EYA1: variants seen among roughly 807,000 people sequenced by gnomAD.
EYA1 encodes protein phosphatase EYA1.
In EYA1, 16 loss-of-function variants were observed where a neutral mutation model predicts 82.0. That is an observed-to-expected ratio of 0.20 (90% confidence interval 0.13 to 0.30). The LOEUF (loss-of-function observed/expected upper bound fraction) is 0.30, where lower values mean the gene tolerates loss of function less well. EYA1 is among the 10% of genes least tolerant of loss of function. The pLI is 1.00. For synonymous variants in EYA1, 261 were observed against 264.4 expected (o/e 0.99, Z 0.12); for missense variants, 633 against 730.7 (o/e 0.87, Z 1.54).
chr8:71,435,228 C>T (rs1420561231), intron 2 of EYA1, among the ~76,000 whole-genome samples: 1 of 152,046 alleles, frequency 6.6e-6, no homozygotes, highest in Non-Finnish European at 1.5e-5. Context: ...ATGACAGCTG[C>T]CCCGTGGAAT....
At chr8:71,405,418 T>A (rs1031266751) in intron 2 of EYA1, among the ~76,000 whole-genome samples, 3 of 152,236 alleles carry the variant, frequency 2.0e-5, no homozygotes, top group African/African-American at 7.2e-5. Flanking sequence ...CCTTTCTCCT[T>A]TGAGCCACCT....
At chr8:71,335,204 A>C (rs1033409023) in intron 3 of EYA1, among the ~76,000 whole-genome samples, 6 of 152,200 alleles carry the variant, frequency 3.9e-5, no homozygotes, top group Admixed American at 2.0e-4. Flanking sequence ...CCTAAAACAA[A>C]GGCTCCCATG....
At chr8:71,256,544 G>A (rs2128924656) in intron 11 of EYA1, among the ~76,000 whole-genome samples, 1 of 152,216 alleles carries the variant, frequency 6.6e-6, no homozygotes, top group South Asian at 2.1e-4. Flanking sequence ...ATTGGGGGGA[G>A]GGGAGAATGG....
rs565076424 is a variant in EYA1 at position 71,478,992 on chromosome 8, T to C, written c.33+56752A>G. Among the ~76,000 whole-genome samples, 12 of 152,310 alleles carry C rather than the reference T, an allele frequency of 7.9e-5. No individual in the cohort carries two copies. The South Asian group carries it at 1.7e-3, about 21-fold the overall frequency. The stretch of plus-strand genomic sequence containing the variant: ...TGGGTATCAAGAAGGCAAAATGACA[T>C]GCTCCTCTGCTTACAACCCTGCAAT... On this transcript the variant is annotated intron_variant, in intron 2 of 18. Transcript: ENST00000643681.
intron 11 of EYA1, among the ~76,000 whole-genome samples, chr8:71,260,314 T>C (rs1814941444): frequency 6.6e-6 from 1 of 152,202 alleles, no homozygotes; most frequent in Non-Finnish European, 1.5e-5. Context: ...GCATTCTGAC[T>C]TGGTCTCTAC....
chr8:71,454,618 C>T (rs1295648558), intron 2 of EYA1, among the ~76,000 whole-genome samples: 2 of 152,186 alleles, frequency 1.3e-5, no homozygotes, highest in African/African-American at 2.4e-5. Context: ...AAGAAACTCA[C>T]TAAAAACCGC....
intron 9 of EYA1, among the ~76,000 whole-genome samples, chr8:71,275,026 G>C (rs1816993108): frequency 6.6e-6 from 1 of 151,260 alleles, no homozygotes; most frequent in African/African-American, 2.5e-5. Flanking sequence ...TCTGACCTGA[G>C]TCTACAGAAA....
chr8:71,285,632 G>C (rs1818287229), intron 9 of EYA1, among the ~76,000 whole-genome samples: 1 of 152,166 alleles, frequency 6.6e-6, no homozygotes, highest in African/African-American at 2.4e-5. Context: ...ATGTGCTCTT[G>C]GGAGACTACA....
chr8:71,407,836 G>T (rs1468578050), intron 2 of EYA1, among the ~76,000 whole-genome samples: 3 of 149,134 alleles, frequency 2.0e-5, no homozygotes, highest in Non-Finnish European at 4.5e-5. Context: ...AATCTAGCAA[G>T]GCAGGCCAAC....
chr8:71,512,212 G>A (rs1812651859), intron 2 of EYA1, among the ~76,000 whole-genome samples: 1 of 152,092 alleles, frequency 6.6e-6, no homozygotes, highest in South Asian at 2.1e-4. Context: ...TTTTCAGAGT[G>A]GCTTCCTGAA....
intron 1 of EYA1, among the ~76,000 whole-genome samples, chr8:71,537,502 C>G (rs1398192817): frequency 6.6e-6 from 1 of 152,104 alleles, no homozygotes; most frequent in Non-Finnish European, 1.5e-5. Flanking sequence ...TTCCAGGCAC[C>G]AAGGTGGGAT....
At chr8:71,271,419 T>G (rs1364114063) in intron 10 of EYA1, among the ~76,000 whole-genome samples, 3 of 152,216 alleles carry the variant, frequency 2.0e-5, no homozygotes, top group Non-Finnish European at 2.9e-5. Flanking sequence ...AAGTGGATTT[T>G]ACCAAGTATT....
intron 12 of EYA1, among the ~76,000 whole-genome samples, chr8:71,243,398 G>A (rs1435677137): frequency 6.6e-6 from 1 of 151,950 alleles, no homozygotes; most frequent in Non-Finnish European, 1.5e-5. Context: ...GTCACTCAAT[G>A]GGAATATTTC....
intron 12 of EYA1, among the ~76,000 whole-genome samples, chr8:71,233,976 G>A (rs1300610008): frequency 6.6e-6 from 1 of 152,152 alleles, no homozygotes; most frequent in Non-Finnish European, 1.5e-5. Flanking sequence ...TTCCCAGTGG[G>A]GGGTAGACCG....
chr8:71,541,970 C>G (rs1246836945), intron 1 of EYA1, among the ~76,000 whole-genome samples: 1 of 152,172 alleles, frequency 6.6e-6, no homozygotes. Context: ...ACTGGCTCCA[C>G]TCAGTTATTA....
intron 1 of EYA1, among the ~76,000 whole-genome samples, chr8:71,544,331 T>A (rs556040553): frequency 1.3e-5 from 2 of 152,166 alleles, no homozygotes; most frequent in Non-Finnish European, 2.9e-5. Context: ...AGGGCAGGAA[T>A]CATCCGAAAC....
chr8:71,270,482 T>C (rs1314893257), intron 10 of EYA1, among the ~76,000 whole-genome samples: 1 of 152,210 alleles, frequency 6.6e-6, no homozygotes, highest in African/African-American at 2.4e-5. Flanking sequence ...GGAATTCATT[T>C]CAAAAAGGTC....
intron 2 of EYA1, among the ~76,000 whole-genome samples, chr8:71,498,487 A>G (rs530536977): frequency 6.6e-6 from 1 of 152,194 alleles, no homozygotes; most frequent in South Asian, 2.1e-4. Context: ...TCTAGATGTT[A>G]ATATTTTCAC....
At chr8:71,303,049 C>T (rs1820366021) in intron 7 of EYA1, among the ~76,000 whole-genome samples, 1 of 142,276 alleles carries the variant, frequency 7.0e-6, no homozygotes, top group African/African-American at 2.5e-5. Flanking sequence ...CCAGCCTAAC[C>T]CTAGTAAACC....
Sources: gnomAD v4.1 joint callset for allele counts (sites outside exome capture counted in the v4.1 genomes callset) on GRCh38, gnomAD v4.1.1 for gene constraint, MANE v1.5 for transcripts, NCBI Gene and HGNC (gene_info 2026-07-23, HGNC 2026-07-21) for gene names.